The following TPD52L1 variants were observed in gnomAD, a reference collection of about 807,000 sequenced individuals.
TPD52L1 encodes the protein tumor protein D53.
TPD52L1 carries 18 observed loss-of-function variants against 28.7 expected under a neutral mutation model. The ratio of observed to expected loss-of-function variants is 0.63; its 90% confidence interval spans 0.43 to 0.93. The LOEUF is 0.93. Among genes scored for constraint, TPD52L1 ranks in the 40% least tolerant of loss-of-function variants. The pLI is 0.00. For missense variants in TPD52L1, 203 were observed against 254.8 expected (o/e 0.80, Z 1.39); for synonymous variants, 75 against 88.8 (o/e 0.84, Z 0.88).
chr6:125,217,802 T>A (rs1023417245), intron 1 of TPD52L1, among the ~76,000 whole-genome samples: 1 of 152,212 alleles, frequency 6.6e-6, no homozygotes, highest in Non-Finnish European at 1.5e-5. Flanking sequence ...TAAGTGATAT[T>A]TTAGTTTTGT....
chr6:125,186,744 G>A (rs577176805), intron 1 of TPD52L1, among the ~76,000 whole-genome samples: 2 of 152,088 alleles, frequency 1.3e-5, no homozygotes. Flanking sequence ...ACATAGTTAG[G>A]GGCAGAAAAC....
chr6:125,203,402 T>C (rs1562276093), intron 1 of TPD52L1, among the ~76,000 whole-genome samples: 1 of 152,224 alleles, frequency 6.6e-6, no homozygotes, highest in Non-Finnish European at 1.5e-5. Flanking sequence ...GCTTGCAGTG[T>C]TACCCACAAT....
intron 3 of TPD52L1, among the ~76,000 whole-genome samples, chr6:125,247,454 A>G (rs560974213): frequency 2.0e-5 from 3 of 152,150 alleles, no homozygotes; most frequent in East Asian, 3.9e-4. Flanking sequence ...TCTTGCTCTT[A>G]TTTATCACTT....
At position 125,177,722 on chromosome 6, in the gene TPD52L1, T is replaced by C. The variant is rs893672719; in HGVS notation, c.19+23752T>C. On this transcript the variant is annotated intron_variant, in intron 1 of 6. Transcript: ENST00000534000. ...CATTTTTAAATTAAAGTTTCAGGTT[T>C]AGAAAATTTCCACTTTTAAGTGAAG... Among the ~76,000 whole-genome samples, 5 of 152,234 alleles carry C rather than the reference T, an allele frequency of 3.3e-5. No homozygotes were observed. The East Asian group carries it at 5.8e-4, about 18-fold the overall frequency.
intron 1 of TPD52L1, among the ~76,000 whole-genome samples, chr6:125,174,845 G>T (rs1355788243): frequency 6.6e-6 from 1 of 152,136 alleles, no homozygotes; most frequent in African/African-American, 2.4e-5. Context: ...AAAGTGCATG[G>T]GGAAGGGTGC....
At chr6:125,229,457 G>A (rs1013256532) in intron 3 of TPD52L1, among the ~76,000 whole-genome samples, 191 bp downstream of exon 3, 3 of 152,174 alleles carry the variant, frequency 2.0e-5, no homozygotes, top group African/African-American at 4.8e-5. Context: ...ATTCTATAAA[G>A]TAGCTTCATG....
At chr6:125,196,929 A>G (rs189580741) in intron 1 of TPD52L1, among the ~76,000 whole-genome samples, 29 of 152,360 alleles carry the variant, frequency 1.9e-4, no homozygotes, top group Non-Finnish European at 3.1e-4. Flanking sequence ...TTAGGCAGGA[A>G]GAAAAAGAAA....
At chr6:125,213,974 G>A (rs1562297521) in intron 1 of TPD52L1, among the ~76,000 whole-genome samples, 1 of 152,212 alleles carries the variant, frequency 6.6e-6, no homozygotes, top group Non-Finnish European at 1.5e-5. Context: ...CCTTGGAACA[G>A]CCGCAGTAGG....
Position 125,153,860 on chromosome 6 carries a change from G to A in TPD52L1, c.-92G>A, listed in dbSNP as rs1789930917. The A allele has an allele frequency of 2.1e-6, 3 of 1,440,588 alleles. No homozygotes were observed. Among genetic ancestry groups the A allele is most frequent in the Non-Finnish European group, 1.9e-6 (2 of 1,074,310 alleles). 89.2% of individuals were successfully genotyped at this position (1,440,588 alleles called of 1,614,324 possible). A position where few individuals can be genotyped will look rare whatever the true frequency, so the allele number is the denominator to read the frequency against. ...GTGCCAGGAGTGGGAGCGAGCGGCG[G>A]GGCCAGCTGCGTTCTGAGCCTGGGC... On this transcript the variant is annotated 5_prime_UTR_variant, in exon 1 of 7. Transcript: ENST00000534000.
At chr6:125,194,566 C>T (rs1186621968) in intron 1 of TPD52L1, among the ~76,000 whole-genome samples, 1 of 152,170 alleles carries the variant, frequency 6.6e-6, no homozygotes, top group Admixed American at 6.5e-5. Context: ...CCCAGGCAAT[C>T]AAGCAGCTCT....
intron 5 of TPD52L1, among the ~76,000 whole-genome samples, chr6:125,255,592 A>G (rs1289200705): frequency 6.6e-6 from 1 of 152,176 alleles, no homozygotes; most frequent in Non-Finnish European, 1.5e-5. Flanking sequence ...TCAGGAGACA[A>G]TCCCCAAATT....
chr6:125,192,510 C>T lies in TPD52L1; in HGVS notation c.20-27568C>T, dbSNP rs534235174. Among the ~76,000 whole-genome samples, 55 of 152,072 alleles carry T rather than the reference C, an allele frequency of 3.6e-4. 2 individuals are homozygous for T. Among genetic ancestry groups the T allele is most frequent in the South Asian group, 2.1e-4 (1 of 4,806 alleles). On this transcript the variant is annotated intron_variant, in intron 1 of 6. Coordinates refer to ENST00000534000, the MANE Select transcript of TPD52L1 (RefSeq NM_003287.4). ...CTGGCCACCAGGGGTTGTGCTGTTG[C>T]CAGAGAGCCCTTGATTTTATCTGCC...
chr6:125,203,377 G>T (rs1165499017), intron 1 of TPD52L1, among the ~76,000 whole-genome samples: 4 of 151,848 alleles, frequency 2.6e-5, no homozygotes, highest in African/African-American at 9.7e-5. Flanking sequence ...TTTTTGTCGG[G>T]GGTGTTTTTT....
chr6:125,257,583 C>T lies in TPD52L1; in HGVS notation c.486+425C>T, dbSNP rs566742003. 3.9e-5 allele frequency among the ~76,000 whole-genome samples: 6 copies of T among 152,288 alleles called. No homozygotes were observed. In the East Asian group the frequency reaches 7.7e-4, roughly 20 times the overall value. ...AACTGGGGACTACGTATCCACTACCCGTCAGCTACCTAGACTTGTTTATAA... is the reference window on the plus strand; with the variant it reads ...AACTGGGGACTACGTATCCACTACCTGTCAGCTACCTAGACTTGTTTATAA... On this transcript the variant is annotated intron_variant, in intron 6 of 6. Transcript: ENST00000534000.
rs978305293 is a variant in TPD52L1, at chr6:125,155,301, A to G, written c.19+1331A>G. Among the ~76,000 whole-genome samples the G allele has an allele frequency of 2.6e-5, 4 of 152,264 alleles. No individual in the cohort carries two copies. In the East Asian group the frequency reaches 7.7e-4, roughly 29 times the overall value. On this transcript the variant is annotated intron_variant, in intron 1 of 6. Coordinates refer to ENST00000534000, the MANE Select transcript of TPD52L1 (RefSeq NM_003287.4). ...TGACTTGCATATTAGAATTATTTAGAGAGTCTTCATTACTGGCCTTGGCCA... is the reference window on the plus strand; with the variant it reads ...TGACTTGCATATTAGAATTATTTAGGGAGTCTTCATTACTGGCCTTGGCCA...
At chr6:125,208,792 T>A (rs1019434460) in intron 1 of TPD52L1, 2 of 367,978 alleles carry the variant, frequency 5.4e-6, no homozygotes, top group African/African-American at 4.4e-5. Flanking sequence ...AAGTAGCAAA[T>A]GCCTGAGAGT....
At chr6:125,187,276 G>C (rs995349065) in intron 1 of TPD52L1, among the ~76,000 whole-genome samples, 1 of 152,164 alleles carries the variant, frequency 6.6e-6, no homozygotes, top group Admixed American at 6.5e-5. Flanking sequence ...AATATTAAAA[G>C]TATGATAATT....
chr6:125,222,456 C>T (rs1795302202), intron 2 of TPD52L1, among the ~76,000 whole-genome samples: 1 of 152,200 alleles, frequency 6.6e-6, no homozygotes, highest in African/African-American at 2.4e-5. Context: ...CAGTTGTGGT[C>T]ATGATCCAAA....
chr6:125,258,275 C>T (rs1468588021), intron 6 of TPD52L1, among the ~76,000 whole-genome samples: 4 of 152,172 alleles, frequency 2.6e-5, no homozygotes, highest in African/African-American at 9.6e-5. Flanking sequence ...CAGTTTCATT[C>T]ACCAGAAGTT....
Sources: gnomAD v4.1 joint callset for allele counts (sites outside exome capture counted in the v4.1 genomes callset) on GRCh38, gnomAD v4.1.1 for gene constraint, MANE v1.5 for transcripts, NCBI Gene and HGNC (gene_info 2026-07-23, HGNC 2026-07-21) for gene names.